RFTN1: variants seen among roughly 807,000 people sequenced by gnomAD.
The protein encoded by RFTN1 is raftlin.
A neutral mutation model predicts 46.5 loss-of-function variants in RFTN1; 26 were observed. The observed-to-expected ratio is 0.56, with a 90% CI of 0.41 to 0.78. RFTN1 has a LOEUF of 0.78. Among genes scored for constraint, RFTN1 ranks in the 30% least tolerant of loss-of-function variants. The pLI is 0.00. For missense variants in RFTN1, 693 were observed against 718.7 expected (o/e 0.96, Z 0.41); for synonymous variants, 261 against 284.2 (o/e 0.92, Z 0.82).
Position 16,352,682 on chromosome 3 carries a change from A to C in RFTN1, c.1146+5250T>G, listed in dbSNP as rs569282751. Among the ~76,000 whole-genome samples, 33 of 152,342 alleles carry C rather than the reference A, an allele frequency of 2.2e-4. No individual in the cohort carries two copies. The highest frequency in any genetic ancestry group is 7.9e-4 in the African/African-American group (33 of 41,578). On this transcript the variant is annotated intron_variant, in intron 7 of 9. Transcript: ENST00000334133. This position sits in a 1 kb window ranked among gnomAD's most constrained non-coding sequence, Gnocchi z 4.6. ...GATGATACCAGGTGACTGACACAGA[A>C]AGCAGTATGTAGTGAGGGCTTACTA... is the stretch of plus-strand genomic sequence containing the variant.
chr3:16,392,114 T>C (rs971734390), intron 4 of RFTN1, among the ~76,000 whole-genome samples: 1 of 152,150 alleles, frequency 6.6e-6, no homozygotes, highest in Non-Finnish European at 1.5e-5. Flanking sequence ...CCTCTAGCCA[T>C]CTTCAGCCCT....
rs1274426142 is a variant in RFTN1 at position 16,317,503 on chromosome 3, C to G, written c.1333-271G>C. Among the ~76,000 whole-genome samples the G allele has an allele frequency of 2.0e-5, 3 of 152,150 alleles. No homozygotes were observed. The highest frequency in any genetic ancestry group is 4.4e-5 in the Non-Finnish European group (3 of 68,020). On this transcript the variant is annotated intron_variant, in intron 9 of 9. Coordinates refer to ENST00000334133, the MANE Select transcript of RFTN1 (RefSeq NM_015150.2). This position sits in a 1 kb window ranked among gnomAD's most constrained non-coding sequence, Gnocchi z 4.3. ...AGAGCAGTATTTCTTTTGACTGGCT[C>G]TATACCAAAGGCCCACATAGGAAAG...
At position 16,316,835 on chromosome 3, in the gene RFTN1, T is replaced by C. The variant is rs148120271; in HGVS notation, c.1730A>G (p.Glu577Gly). 45 of 1,613,818 alleles carry C rather than the reference T, an allele frequency of 2.8e-5. No individual in the cohort carries two copies. In the African/African-American group the frequency reaches 5.7e-4, roughly 21 times the overall value. ...EEVRELGTVE[E>G]N The stretch of plus-strand genomic sequence containing the variant: ...GCACAAATTGCCCAAGACTCAGTTT[T>C]CTTCAACCGTACCAAGCTCTCTGAC... The change falls in exon 10 of 10, where the codon GAA (glutamate) becomes GGA (glycine). Residue 577 changes from glutamate (E) to glycine (G), a missense_variant. Coordinates refer to ENST00000334133, the MANE Select transcript of RFTN1 (RefSeq NM_015150.2). This position sits in a 1 kb window ranked among gnomAD's most constrained non-coding sequence, Gnocchi z 4.5.
chr3:16,487,456 G>A (rs144442890), intron 2 of RFTN1, among the ~76,000 whole-genome samples: 23 of 152,360 alleles, frequency 1.5e-4, no homozygotes, highest in African/African-American at 5.3e-4. Flanking sequence ...AACGTTCTCT[G>A]TCTGCGCTGT....
At chr3:16,349,334 C>G (rs1277932473) in intron 7 of RFTN1, 1 of 152,228 alleles carries the variant, frequency 6.6e-6, no homozygotes, top group African/African-American at 2.4e-5. Context: ...TAAGGAAAAC[C>G]ACTGTGGCTG....
chr3:16,436,357 AAT>A (rs1491469158), intron 2 of RFTN1, among the ~76,000 whole-genome samples: 5 of 131,068 alleles, frequency 3.8e-5, no homozygotes, highest in East Asian at 2.2e-4. Context: ...TGAAAAAAAA[AAT>A]TTTTTTTTTT....
chr3:16,467,812 T>C (rs2076126589), intron 2 of RFTN1, among the ~76,000 whole-genome samples: 1 of 152,178 alleles, frequency 6.6e-6, no homozygotes, highest in African/African-American at 2.4e-5. Flanking sequence ...TGAAAGCCTT[T>C]CACAGCAAAT....
In RFTN1 at chr3:16,484,757, A is replaced by G. The variant is rs1401879291; in HGVS notation, c.145+8968T>C. The G allele has an allele frequency of 6.6e-6, 1 of 152,242 alleles. No homozygotes were observed. Among genetic ancestry groups the G allele is most frequent in the East Asian group, 1.9e-4 (1 of 5,206 alleles). The allele number at this position is 152,242 out of a possible 1,614,324, so 9.4% of individuals were successfully genotyped here. Reference sequence around the variant, plus strand: ...TTCAGGAACCAAGAAAGCCAAAGTGAAGGCTTTGCTGTTCAGTAAAACTAC... The same window carrying G: ...TTCAGGAACCAAGAAAGCCAAAGTGGAGGCTTTGCTGTTCAGTAAAACTAC... On this transcript the variant is annotated intron_variant, in intron 2 of 9. Transcript: ENST00000334133. The surrounding 1 kb of genome is among the most constrained non-coding windows in gnomAD (Gnocchi z 4.6).
At chr3:16,395,117 AAATT>A (rs1479254045) in intron 4 of RFTN1, among the ~76,000 whole-genome samples, 1 of 152,270 alleles carries the variant, frequency 6.6e-6, no homozygotes, top group Non-Finnish European at 1.5e-5. Flanking sequence ...ATGTGCAATT[AAATT>A]ATTATAAGCA....
chr3:16,325,874 T>TATGC (rs1349811347), intron 8 of RFTN1, among the ~76,000 whole-genome samples: 1 of 152,160 alleles, frequency 6.6e-6, no homozygotes, highest in African/African-American at 2.4e-5. Flanking sequence ...CAGTGGTGAA[T>TATGC]ATGCAGTAGG....
rs1477486151 is a variant in RFTN1 at position 16,474,000 on chromosome 3, T to C, written c.145+19725A>G. 1.3e-5 allele frequency among the ~76,000 whole-genome samples: 2 copies of C among 152,156 alleles called. No individual in the cohort carries two copies. The highest frequency in any genetic ancestry group is 4.8e-5 in the African/African-American group (2 of 41,424). ...GTGAACAACAGCCCTTGGAGAGGGA[T>C]TGATTAGGACAAACGCCCTCATTTT... On this transcript the variant is annotated intron_variant, in intron 2 of 9. Transcript: ENST00000334133. The surrounding 1 kb of genome is among the most constrained non-coding windows in gnomAD (Gnocchi z 5.3).
chr3:16,430,149 G>A (rs2075357238), intron 3 of RFTN1, among the ~76,000 whole-genome samples: 1 of 151,944 alleles, frequency 6.6e-6, no homozygotes, highest in Non-Finnish European at 1.5e-5. Context: ...ATCTCATTCT[G>A]TCACCCAGGC....
intron 4 of RFTN1, among the ~76,000 whole-genome samples, chr3:16,404,578 T>G (rs62236339): frequency 6.7e-6 from 1 of 149,800 alleles, no homozygotes. Flanking sequence ...AGAACAGCCT[T>G]CCTTCTCTTT....
chr3:16,508,740 C>T (rs1033279130), intron 1 of RFTN1, among the ~76,000 whole-genome samples: 2 of 151,688 alleles, frequency 1.3e-5, no homozygotes, highest in Non-Finnish European at 2.9e-5. Context: ...AAAAGGTAAA[C>T]ACAAAAGCAA....
chr3:16,493,902 G>A, intron 1 of RFTN1, 25 bp from the exon 2 acceptor site: 1 of 1,612,076 alleles, frequency 6.2e-7, no homozygotes, highest in Non-Finnish European at 8.5e-7. Flanking sequence ...AAAAAGGCGG[G>A]GAGGTGATTT....
chr3:16,395,563 G>A (rs1000716725), intron 4 of RFTN1, among the ~76,000 whole-genome samples: 3 of 151,782 alleles, frequency 2.0e-5, no homozygotes, highest in Non-Finnish European at 2.9e-5. Context: ...CACCCCCCTC[G>A]GCCTCCTGAG....
chr3:16,435,518 C>G (rs1254567235), intron 2 of RFTN1, among the ~76,000 whole-genome samples: 1 of 152,096 alleles, frequency 6.6e-6, no homozygotes, highest in East Asian at 1.9e-4. Flanking sequence ...TGCAGTGAGC[C>G]GAGATTGCGC....
At chr3:16,503,666 C>T (rs1248616933) in intron 1 of RFTN1, among the ~76,000 whole-genome samples, 2 of 152,126 alleles carry the variant, frequency 1.3e-5, no homozygotes, top group Non-Finnish European at 2.9e-5. Flanking sequence ...CTCAGCCATA[C>T]GGATCTGCTT....
chr3:16,511,519 T>C (rs2076901571), intron 1 of RFTN1, among the ~76,000 whole-genome samples: 2 of 152,116 alleles, frequency 1.3e-5, no homozygotes, highest in Non-Finnish European at 2.9e-5. Context: ...GTCACTGTTC[T>C]TGCAACTTTT....
Sources: gnomAD v4.1 joint callset for allele counts (sites outside exome capture counted in the v4.1 genomes callset) on GRCh38, gnomAD v4.1.1 for gene constraint, Gnocchi (gnomAD v3.1) non-coding constraint, MANE v1.5 for transcripts, NCBI Gene and HGNC (gene_info 2026-07-23, HGNC 2026-07-21) for gene names.